AUTS2: variants seen among roughly 807,000 people sequenced by gnomAD.
AUTS2 encodes autism susceptibility gene 2 protein.
A neutral mutation model predicts 112.4 loss-of-function variants in AUTS2; 17 were observed. That is an observed-to-expected ratio of 0.15 (90% confidence interval 0.10 to 0.23). The LOEUF (loss-of-function observed/expected upper bound fraction) is 0.23, where lower values mean the gene tolerates loss of function less well. Among genes scored for constraint, AUTS2 ranks in the 10% least tolerant of loss-of-function variants. AUTS2 has a pLI of 1.00. For missense variants in AUTS2, 1,510 were observed against 1,701.6 expected (o/e 0.89, Z 1.98); for synonymous variants, 751 against 702.7 (o/e 1.07, Z -1.09).
Position 70,774,030 on chromosome 7 carries a change from A to T in AUTS2, c.1833A>T (p.Thr611=). 2.5e-6 allele frequency: 4 copies of T among 1,614,214 alleles called. No homozygotes were observed. Among genetic ancestry groups the T allele is most frequent in the Non-Finnish European group, 3.4e-6 (4 of 1,180,044 alleles). ...GSLQGAFQPK[T]SNPIDVAARP... ...GCTGTGGTCTAATTAATTTGTAGAC[A>T]TCCAACCCTATCGATGTCGCTGCTC... Residue 611 remains threonine (T), a splice_region_variant and synonymous_variant, in exon 12 of 19, where the codon ACA becomes ACT. Coordinates refer to ENST00000342771, the MANE Select transcript of AUTS2 (RefSeq NM_015570.4).
intron 2 of AUTS2, among the ~76,000 whole-genome samples, chr7:70,009,144 G>C (rs1159041225): frequency 6.6e-6 from 1 of 152,062 alleles, no homozygotes; most frequent in African/African-American, 2.4e-5. Flanking sequence ...TTCATTCCAT[G>C]GGAGAAGGTG....
At chr7:70,303,425 C>G (rs1046484288) in intron 4 of AUTS2, among the ~76,000 whole-genome samples, 1 of 132,252 alleles carries the variant, frequency 7.6e-6, no homozygotes, top group African/African-American at 3.1e-5. Flanking sequence ...CACACACACG[C>G]GCGCGCGCGC....
intron 4 of AUTS2, among the ~76,000 whole-genome samples, chr7:70,248,079 T>C (rs1047431758): frequency 6.6e-6 from 1 of 152,212 alleles, no homozygotes; most frequent in Non-Finnish European, 1.5e-5. Flanking sequence ...AAATTGATTA[T>C]GACATATTAT....
intron 2 of AUTS2, among the ~76,000 whole-genome samples, chr7:70,005,625 G>T (rs1028309135): frequency 2.0e-5 from 3 of 152,026 alleles, no homozygotes; most frequent in African/African-American, 7.2e-5. Flanking sequence ...AAGTTTGGGA[G>T]GTGTACGGGA....
chr7:70,158,857 T>G (rs975894315), intron 4 of AUTS2, among the ~76,000 whole-genome samples: 1 of 152,190 alleles, frequency 6.6e-6, no homozygotes. Flanking sequence ...ATATAAATAA[T>G]CATCTACCTA....
intron 6 of AUTS2, among the ~76,000 whole-genome samples, chr7:70,730,415 C>G (rs575288233): frequency 1.3e-5 from 2 of 152,282 alleles, no homozygotes; most frequent in East Asian, 3.9e-4. Context: ...CTGTACCCCT[C>G]ATCCTCCCAA....
chr7:70,618,233 A>T (rs575330628), intron 5 of AUTS2, among the ~76,000 whole-genome samples: 1 of 152,178 alleles, frequency 6.6e-6, no homozygotes, highest in Non-Finnish European at 1.5e-5. Context: ...TAGAGAGGCC[A>T]AGTGGTTGCC....
intron 4 of AUTS2, among the ~76,000 whole-genome samples, chr7:70,368,198 A>G (rs895365680): frequency 6.6e-6 from 1 of 152,204 alleles, no homozygotes; most frequent in African/African-American, 2.4e-5. Flanking sequence ...AGTACTACCT[A>G]CCTCTTGGAG....
chr7:70,658,303 T>A (rs1202170214), intron 5 of AUTS2, among the ~76,000 whole-genome samples: 1 of 152,082 alleles, frequency 6.6e-6, no homozygotes, highest in East Asian at 1.9e-4. Flanking sequence ...GCACTAGGGG[T>A]GCCTGTGCTA....
chr7:70,302,200 G>A (rs1789249850), intron 4 of AUTS2, among the ~76,000 whole-genome samples: 3 of 152,214 alleles, frequency 2.0e-5, no homozygotes, highest in African/African-American at 7.2e-5. Flanking sequence ...CGCTTGAGCT[G>A]AGGAGTTCGA....
At chr7:69,621,172 C>T (rs1380560827) in intron 1 of AUTS2, among the ~76,000 whole-genome samples, 1 of 152,166 alleles carries the variant, frequency 6.6e-6, no homozygotes, top group South Asian at 2.1e-4. Flanking sequence ...AGGTTGGTGC[C>T]GTTTTGATTC....
At chr7:70,449,235 A>T (rs1796435032) in intron 5 of AUTS2, among the ~76,000 whole-genome samples, 1 of 152,156 alleles carries the variant, frequency 6.6e-6, no homozygotes, top group Admixed American at 6.5e-5. Context: ...AATTTCGGAG[A>T]CTTCGTTTCT....
intron 2 of AUTS2, among the ~76,000 whole-genome samples, chr7:70,076,321 A>T (rs1803030528): frequency 6.6e-6 from 1 of 152,242 alleles, no homozygotes; most frequent in African/African-American, 2.4e-5. Context: ...TAATGTTGTC[A>T]GTCATTTCTT....
intron 1 of AUTS2, among the ~76,000 whole-genome samples, chr7:69,775,733 C>G: frequency 1.3e-5 from 2 of 152,100 alleles, no homozygotes; most frequent in Non-Finnish European, 1.5e-5. Context: ...GTCTGTGTTT[C>G]CCACGTGGGC....
At chr7:70,461,200 A>C (rs561323055) in intron 5 of AUTS2, among the ~76,000 whole-genome samples, 1 of 145,188 alleles carries the variant, frequency 6.9e-6, no homozygotes, top group South Asian at 2.2e-4. Context: ...ACTTAAGGGC[A>C]GAAAAAAGGA....
At chr7:69,684,551 G>T (rs1250557073) in intron 1 of AUTS2, among the ~76,000 whole-genome samples, 1 of 152,186 alleles carries the variant, frequency 6.6e-6, no homozygotes, top group Non-Finnish European at 1.5e-5. Flanking sequence ...TCTGAGCCGG[G>T]TGTAGCTTGC....
chr7:69,670,104 G>A (rs1162490482), intron 1 of AUTS2, among the ~76,000 whole-genome samples: 1 of 152,074 alleles, frequency 6.6e-6, no homozygotes, highest in Non-Finnish European at 1.5e-5. Context: ...TCCCTCCCCA[G>A]CCCTTCCACC....
At chr7:70,048,639 T>C (rs1299821093) in intron 2 of AUTS2, among the ~76,000 whole-genome samples, 1 of 152,210 alleles carries the variant, frequency 6.6e-6, no homozygotes, top group Non-Finnish European at 1.5e-5. Flanking sequence ...CATTAGTGGC[T>C]TTTGGATGTG....
intron 4 of AUTS2, among the ~76,000 whole-genome samples, chr7:70,233,998 C>T (rs560987274): frequency 1.3e-5 from 2 of 152,280 alleles, no homozygotes; most frequent in African/African-American, 4.8e-5. Flanking sequence ...AGTGATCAAA[C>T]TAAAAGAGAA....
Sources: allele counts gnomAD v4.1 joint callset (sites outside exome capture counted in the v4.1 genomes callset), GRCh38; gene constraint gnomAD v4.1.1; transcripts MANE v1.5; gene names NCBI Gene and HGNC (gene_info 2026-07-23, HGNC 2026-07-21).